Variants in SLFN12L observed in about 807,000 individuals in gnomAD.
The protein encoded by SLFN12L is schlafen family member 12 like.
SLFN12L carries 34 observed loss-of-function variants against 34.8 expected under a neutral mutation model. That is an observed-to-expected ratio of 0.98 (90% CI 0.74 to 1.30). The LOEUF is 1.30. Among genes scored for constraint, SLFN12L ranks in the 50% most tolerant of loss-of-function variants. The probability of loss-of-function intolerance (pLI) is 0.00; values close to 1 mark genes in which losing one functional copy is unlikely to be tolerated. For missense variants in SLFN12L, 703 were observed against 696.2 expected (o/e 1.01, Z -0.11); for synonymous variants, 259 against 247.5 (o/e 1.05, Z -0.44).
rs747750385 is a variant in SLFN12L at position 35,465,240 on chromosome 17, G to A, written c.*9683C>T. ...CAAAATGCACCAATTGAGAAACCTC[G>A]TGGACTTAATAAATACTCAAATTAT... On this transcript the variant is annotated 3_prime_UTR_variant, in exon 5 of 5. Coordinates refer to ENST00000628453, the MANE Select transcript of SLFN12L (RefSeq NM_001363830.2). Among the ~76,000 whole-genome samples the A allele has an allele frequency of 3.3e-5, 5 of 152,092 alleles. No individual in the cohort carries two copies. Among genetic ancestry groups the A allele is most frequent in the Non-Finnish European group, 7.4e-5 (5 of 68,022 alleles).
chr17:35,518,103 A>C (rs571410518), intron 2 of SLFN12L, among the ~76,000 whole-genome samples: 1 of 152,370 alleles, frequency 6.6e-6, no homozygotes, highest in South Asian at 2.1e-4. Flanking sequence ...CAGGGTGAAC[A>C]GGCAACCTAC....
intron 1 of SLFN12L, among the ~76,000 whole-genome samples, chr17:35,531,785 T>G (rs530296649): frequency 6.6e-6 from 1 of 152,018 alleles, no homozygotes; most frequent in African/African-American, 2.4e-5. Flanking sequence ...CCTGGCTAAC[T>G]TTTTAAATTT....
chr17:35,500,002 G>A (rs1653575001), intron 2 of SLFN12L: 1 of 152,800 alleles, frequency 6.5e-6, no homozygotes, highest in Non-Finnish European at 1.5e-5. Flanking sequence ...CTGAAATTCA[G>A]GTAGCTCTGC....
chr17:35,464,714 A>G lies in SLFN12L; in HGVS notation c.*10209T>C, dbSNP rs1477934141. The G allele has an allele frequency of 6.6e-6, 1 of 152,204 alleles. No individual in the cohort carries two copies. The highest frequency in any genetic ancestry group is 1.5e-5 in the Non-Finnish European group (1 of 68,038). 9.4% of individuals were successfully genotyped at this position (152,204 alleles called of 1,614,324 possible). ...TATAGACATAATGAATAGATTGTAC[A>G]TGTACATAGATAAAGATATCAAACG... On this transcript the variant is annotated 3_prime_UTR_variant, in exon 5 of 5. Coordinates refer to ENST00000628453, the MANE Select transcript of SLFN12L (RefSeq NM_001363830.2).
In SLFN12L at chr17:35,485,453, A is replaced by AT. The variant is rs569615857; in HGVS notation, c.87-5259dup. Among the ~76,000 whole-genome samples the AT allele has an allele frequency of 5.0e-4, 76 of 152,202 alleles. 1 individual carries two copies. In the East Asian group the frequency reaches 0.013, roughly 26 times the overall value. On this transcript the variant is annotated intron_variant, in intron 2 of 4. Coordinates refer to ENST00000628453, the MANE Select transcript of SLFN12L (RefSeq NM_001363830.2). Reference sequence around the variant, plus strand: ...TTTGTTGGATGCATGACTTGCAAACATTTTCTCCCATTCTCTAGGTTGTCT... The same window carrying AT: ...TTTGTTGGATGCATGACTTGCAAACATTTTTCTCCCATTCTCTAGGTTGTCT...
chr17:35,529,103 A>G (rs1427401452), intron 1 of SLFN12L, among the ~76,000 whole-genome samples: 1 of 152,272 alleles, frequency 6.6e-6, no homozygotes, highest in East Asian at 1.9e-4. Flanking sequence ...AAAGCTCATC[A>G]TCACTGGTCA....
Position 35,470,028 on chromosome 17 carries a change from G to A in SLFN12L, c.*4895C>T, listed in dbSNP as rs1461616981. The stretch of plus-strand genomic sequence containing the variant: ...ATGACAGAGCAAGTCCCCTTCTCTT[G>A]GAACTATAAGTAATAAAGTCTTTTT... On this transcript the variant is annotated 3_prime_UTR_variant, in exon 5 of 5. Transcript: ENST00000628453. 6.6e-6 allele frequency: 1 copy of A among 152,190 alleles called. No homozygotes were observed. The highest frequency in any genetic ancestry group is 1.5e-5 in the Non-Finnish European group (1 of 68,050). The allele number at this position is 152,190 out of a possible 1,614,324, so 9.4% of individuals were successfully genotyped here.
intron 2 of SLFN12L, chr17:35,498,734 C>A: frequency 7.2e-7 from 1 of 1,383,794 alleles, no homozygotes; most frequent in Non-Finnish European, 1.0e-6. Context: ...ACAGCTACAA[C>A]TACCTTATCC....
chr17:35,520,460 A>G (rs1432759272), intron 2 of SLFN12L, among the ~76,000 whole-genome samples: 2 of 152,244 alleles, frequency 1.3e-5, no homozygotes, highest in Non-Finnish European at 2.9e-5. Context: ...TTTAGTCTCT[A>G]CTGGCTGGGC....
At chr17:35,508,247 G>C (rs996605621) in intron 2 of SLFN12L, among the ~76,000 whole-genome samples, 3 of 152,188 alleles carry the variant, frequency 2.0e-5, no homozygotes, top group Non-Finnish European at 4.4e-5. Context: ...GACAGGAATT[G>C]CTCACTCGGG....
At position 35,475,280 on chromosome 17, in the gene SLFN12L, C is replaced by A. The variant is rs1021011456; in HGVS notation, c.1482G>T (p.Lys494Asn). The change falls in exon 5 of 5, where the codon AAG (lysine) becomes AAT (asparagine). Residue 494 changes from lysine to asparagine, a missense_variant. By Grantham distance (94) the Lys-to-Asn change is moderately conservative. Transcript: ENST00000628453. ...TGTGGAAGGTGTATAGGACTGGAGG[C>A]TTGTCCTGGGAAATCAGAAGAGCAT... The part of the protein sequence containing the change: ...LCDALLISQD[K>N]PPVLYTFHMV... 1 of 1,614,180 alleles carries A rather than the reference C, an allele frequency of 6.2e-7. No homozygotes were observed. The highest frequency in any genetic ancestry group is 8.5e-7 in the Non-Finnish European group (1 of 1,180,036).
Position 35,531,264 on chromosome 17 carries a change from C to CT in SLFN12L, c.-606+6308dup, listed in dbSNP as rs200357519. Reference sequence around the variant, plus strand: ...CCCACTAGCACTTTTATTTTTTTCACTAGCATCTTTATTATTTTAAAGAAA... The same window carrying CT: ...CCCACTAGCACTTTTATTTTTTTCACTTAGCATCTTTATTATTTTAAAGAAA... On this transcript the variant is annotated intron_variant, in intron 1 of 4. Transcript: ENST00000628453. 1.2e-3 allele frequency among the ~76,000 whole-genome samples: 182 copies of CT among 152,046 alleles called. 2 individuals carry two copies. The East Asian group carries it at 0.034, about 28-fold the overall frequency.
intron 2 of SLFN12L, among the ~76,000 whole-genome samples, chr17:35,500,924 T>A (rs1458597173): frequency 6.6e-6 from 1 of 151,840 alleles, no homozygotes; most frequent in East Asian, 1.9e-4. Context: ...TCCCTTGGAG[T>A]TGTAAGCCCT....
At chr17:35,476,450 AAAGC>A (rs1464368183) in intron 4 of SLFN12L, among the ~76,000 whole-genome samples, 9 of 126,616 alleles carry the variant, frequency 7.1e-5, no homozygotes, top group Admixed American at 2.7e-4. Flanking sequence ...GAAAGAAAAG[AAAGC>A]AAGGAAGGAA....
In SLFN12L at chr17:35,468,660, T is replaced by C. The variant is rs1913753366; in HGVS notation, c.*6263A>G. On this transcript the variant is annotated 3_prime_UTR_variant, in exon 5 of 5. Coordinates refer to ENST00000628453, the MANE Select transcript of SLFN12L (RefSeq NM_001363830.2). ...ATACTCCTTGCTCTCTGCCAAAACA[T>C]ACACCCCGCACTCCTATGCCTGAAG... 1.3e-5 allele frequency among the ~76,000 whole-genome samples: 2 copies of C among 152,188 alleles called. No homozygotes were observed. The highest frequency in any genetic ancestry group is 4.8e-5 in the African/African-American group (2 of 41,428).
chr17:35,516,390 C>T (rs1915830759), intron 2 of SLFN12L, among the ~76,000 whole-genome samples: 1 of 152,352 alleles, frequency 6.6e-6, no homozygotes, highest in South Asian at 2.1e-4. Context: ...AAACTCTAAC[C>T]AGTTCTGCCT....
chr17:35,510,253 C>T (rs973034819), intron 2 of SLFN12L: 3 of 152,198 alleles, frequency 2.0e-5, no homozygotes, highest in African/African-American at 7.2e-5. Context: ...CGCTTCTAGA[C>T]ATAAATCCAA....
intron 2 of SLFN12L, chr17:35,490,672 A>C: frequency 9.3e-7 from 1 of 1,073,382 alleles, no homozygotes; most frequent in Admixed American, 1.7e-5. Context: ...GCTGGACCTC[A>C]AACTATTAAC....
chr17:35,534,946 T>C (rs1359280857), intron 1 of SLFN12L, among the ~76,000 whole-genome samples: 2 of 152,110 alleles, frequency 1.3e-5, no homozygotes, highest in Non-Finnish European at 2.9e-5. Flanking sequence ...AGTAGGAAGG[T>C]TAATGCTTGT....
Sources: gnomAD v4.1 joint callset for allele counts (sites outside exome capture counted in the v4.1 genomes callset) on GRCh38, gnomAD v4.1.1 for gene constraint, MANE v1.5 for transcripts, NCBI Gene and HGNC (gene_info 2026-07-23, HGNC 2026-07-21) for gene names.